Variants in PRRC2C observed in about 807,000 individuals in gnomAD.
PRRC2C encodes the protein proline rich coiled-coil 2C.
PRRC2C carries 72 observed loss-of-function variants against 317.2 expected under a neutral mutation model. That is an observed-to-expected ratio of 0.23 (90% CI 0.19 to 0.28). PRRC2C has a LOEUF of 0.28. PRRC2C is among the 10% of genes least tolerant of loss of function. The pLI is 1.00. For synonymous variants in PRRC2C, 1,296 were observed against 1,205.9 expected (o/e 1.07, Z -1.55); for missense variants, 3,074 against 3,459.7 (o/e 0.89, Z 2.80).
rs2102426842 is a variant in PRRC2C at position 171,532,760 on chromosome 1, GAGAA to G, written c.1683_1686del (p.Arg561SerfsTer8). 6 of 1,533,050 alleles carry G rather than the reference GAGAA, an allele frequency of 3.9e-6. No homozygotes were observed. The highest frequency in any genetic ancestry group is 1.3e-5 in the South Asian group (1 of 78,708). The allele number at this position is 1,533,050 out of a possible 1,614,324, so 95.0% of individuals were successfully genotyped here. The stretch of plus-strand genomic sequence containing the variant: ...GGAGCAGGAAAAACAAAGAGAAATG[GAGAA>G]AGAAAGAAAGCAAGAAAAAGAAAAA... On this transcript the variant is annotated frameshift_variant, in exon 12 of 35. Transcript: ENST00000647382. LOFTEE classifies it high-confidence loss of function.
In PRRC2C at chr1:171,497,661, G is replaced by A. The variant is rs1021967157; in HGVS notation, c.-58+11926G>A. Reference sequence around the variant, plus strand: ...AAATTTTATTTTTTGTAGAGATGAGGTCTCACCATGTTACCCAGATTGGTC... The same window carrying A: ...AAATTTTATTTTTTGTAGAGATGAGATCTCACCATGTTACCCAGATTGGTC... On this transcript the variant is annotated intron_variant, in intron 1 of 34. Transcript: ENST00000647382. Among the ~76,000 whole-genome samples the A allele has an allele frequency of 7.6e-4, 116 of 152,080 alleles. 2 individuals carry two copies. Among genetic ancestry groups the A allele is most frequent in the African/African-American group, 2.5e-3 (103 of 41,382 alleles).
rs761936585 is a variant in PRRC2C, at chr1:171,532,348, A to G, written c.1260A>G (p.Pro420=). Residue 420 remains proline, a synonymous_variant, in exon 12 of 35, where the codon CCA becomes CCG. Coordinates refer to ENST00000647382, the MANE Select transcript of PRRC2C (RefSeq NM_001387844.1). ...CTGATACCTTAATGTTTCAGCATCCACCTCCAGATCGACAGGCAGTACCTG... is the reference window on the plus strand; with the variant it reads ...CTGATACCTTAATGTTTCAGCATCCGCCTCCAGATCGACAGGCAGTACCTG... The part of the protein sequence containing the change: ...PPPKLLAQQH[P]PPDRQAVPGR... The G allele has an allele frequency of 3.1e-6, 5 of 1,609,314 alleles. No individual in the cohort carries two copies. In the African/African-American group the frequency reaches 5.4e-5, roughly 17 times the overall value.
Position 171,545,528 on chromosome 1 carries a change from G to C in PRRC2C, c.4813G>C (p.Gly1605Arg). The stretch of plus-strand genomic sequence containing the variant: ...CACAACTGGGGTTGACCTCATCAAT[G>C]GCAGCTCTGCACACCATCAGGAAGG... ...AGTTGVDLIN[G>R]SSAHHQEGVP... Residue 1605 changes from glycine to arginine, a missense_variant, in exon 17 of 35, where the codon GGC (glycine) becomes CGC (arginine). Transcript: ENST00000647382. 6.3e-7 allele frequency: 1 copy of C among 1,591,200 alleles called. No homozygotes were observed. Among genetic ancestry groups the C allele is most frequent in the Non-Finnish European group, 8.6e-7 (1 of 1,168,436 alleles).
intron 1 of PRRC2C, among the ~76,000 whole-genome samples, chr1:171,496,772 G>GGTGTGT (rs1381467402): frequency 1.1e-5 from 1 of 90,640 alleles, no homozygotes; most frequent in Non-Finnish European, 2.2e-5. Flanking sequence ...ATACATTTGG[G>GGTGTGT]GCGTGTGTGT....
intron 34 of PRRC2C, among the ~76,000 whole-genome samples, chr1:171,590,571 TTTGA>T (rs1417933310): frequency 6.6e-6 from 1 of 152,158 alleles, no homozygotes; most frequent in Non-Finnish European, 1.5e-5. Context: ...TATTAGAAAA[TTTGA>T]TTGATTGATT....
At chr1:171,583,531 G>A (rs578249309) in intron 28 of PRRC2C, among the ~76,000 whole-genome samples, 2 of 152,120 alleles carry the variant, frequency 1.3e-5, no homozygotes, top group Non-Finnish European at 2.9e-5. Flanking sequence ...ACCTGAAGCT[G>A]TTTTATAAGT....
intron 6 of PRRC2C, among the ~76,000 whole-genome samples, chr1:171,518,336 A>G (rs1396765660): frequency 1.3e-5 from 2 of 152,102 alleles, no homozygotes; most frequent in African/African-American, 2.4e-5. Flanking sequence ...ATGCATTTAA[A>G]ATGTTTTCCT....
At chr1:171,504,131 A>G (rs942055072) in intron 1 of PRRC2C, among the ~76,000 whole-genome samples, 6 of 152,162 alleles carry the variant, frequency 3.9e-5, no homozygotes, top group African/African-American at 1.2e-4. Context: ...TGTCTCTTCA[A>G]ATCTCCTGCC....
rs867099365 is a variant in PRRC2C at position 171,540,650 on chromosome 1, C to G, written c.3184C>G (p.Pro1062Ala). 2 of 1,613,812 alleles carry G rather than the reference C, an allele frequency of 1.2e-6. No individual in the cohort carries two copies. Among genetic ancestry groups the G allele is most frequent in the Admixed American group, 1.7e-5 (1 of 59,994 alleles). The change falls in exon 16 of 35, where the codon CCT becomes GCT. Residue 1062 changes from proline to alanine, a missense_variant. By Grantham distance (27) the Pro-to-Ala change is conservative. This residue lies in a region of PRRC2C where 1,320 missense variants were observed against 1,395.7 expected (regional missense o/e 0.95). Transcript: ENST00000647382. ...AAAGACGGAAAAGAAGGATCTTCCT[C>G]CTCCCCCACCACCACCTCAGCCACC... The part of the protein sequence containing the change: ...PEKTEKKDLP[P>A]PPPPPQPPAP...
At chr1:171,583,930 A>G (rs1410517943) in intron 28 of PRRC2C, 26 bp from the exon 29 acceptor site, 4 of 1,568,276 alleles carry the variant, frequency 2.6e-6, no homozygotes, top group Admixed American at 1.7e-5. Flanking sequence ...ACTTCTAACA[A>G]TATTTTCTCT....
chr1:171,531,754 A>G (rs923559296), intron 11 of PRRC2C, among the ~76,000 whole-genome samples: 6 of 152,138 alleles, frequency 3.9e-5, no homozygotes, highest in South Asian at 4.1e-4. Flanking sequence ...CGGGTTCTAG[A>G]TACGCTTTTC....
intron 20 of PRRC2C, 143 bp downstream of exon 20, chr1:171,561,246 A>G (rs896702835): frequency 2.2e-5 from 17 of 786,464 alleles, no homozygotes; most frequent in African/African-American, 5.1e-5. Context: ...CCTGGGCAAC[A>G]TAGTGAGACC....
rs1651753928 is a variant in PRRC2C at position 171,593,235 on chromosome 1, G to A, written c.*1388G>A. On this transcript the variant is annotated 3_prime_UTR_variant, in exon 35 of 35. Coordinates refer to ENST00000647382, the MANE Select transcript of PRRC2C (RefSeq NM_001387844.1). ...TGCTGCTATTGATGCATAACATACT[G>A]CTATTGGTCTTTTTATATAAATATA... 7 of 147,750 alleles carry A rather than the reference G, an allele frequency of 4.7e-5. No individual in the cohort carries two copies. The South Asian group carries it at 1.5e-3, about 31-fold the overall frequency. 9.2% of individuals were successfully genotyped at this position (147,750 alleles called of 1,614,324 possible). A position where few individuals can be genotyped will look rare whatever the true frequency, so the allele number is the denominator to read the frequency against.
chr1:171,504,961 C>A (rs1360000516), intron 1 of PRRC2C, among the ~76,000 whole-genome samples: 1 of 151,592 alleles, frequency 6.6e-6, no homozygotes, highest in African/African-American at 2.4e-5. Context: ...TTTTAAATAA[C>A]GTTTTGTAGT....
intron 5 of PRRC2C, among the ~76,000 whole-genome samples, chr1:171,516,494 A>G (rs796799779): frequency 5.3e-5 from 8 of 152,322 alleles, no homozygotes; most frequent in African/African-American, 1.9e-4. Context: ...GTCAGATGTA[A>G]ATAAATCTAA....
intron 30 of PRRC2C, 34 bp from the exon 31 acceptor site, chr1:171,586,968 CA>C: frequency 6.8e-7 from 1 of 1,467,798 alleles, no homozygotes. Context: ...TAAACAGAAA[CA>C]AATTGCTTCA....
chr1:171,515,380 G>A, intron 4 of PRRC2C, among the ~76,000 whole-genome samples: 1 of 152,142 alleles, frequency 6.6e-6, no homozygotes, highest in Non-Finnish European at 1.5e-5. Context: ...CACTATTTCA[G>A]TAATATGATT....
intron 30 of PRRC2C, among the ~76,000 whole-genome samples, chr1:171,585,240 A>C (rs1413694110): frequency 3.9e-5 from 6 of 152,242 alleles, no homozygotes; most frequent in African/African-American, 1.4e-4. Flanking sequence ...TTTACCCATT[A>C]GTGCTAGGGA....
intron 13 of PRRC2C, 82 bp from the exon 14 acceptor site, chr1:171,535,947 G>A: frequency 6.7e-7 from 1 of 1,481,814 alleles, no homozygotes; most frequent in Non-Finnish European, 9.2e-7. Flanking sequence ...TTCAAAACAG[G>A]CCATTATTTT....
Sources: gnomAD v4.1 joint callset for allele counts (sites outside exome capture counted in the v4.1 genomes callset) on GRCh38, gnomAD v4.1.1 for gene constraint, gnomAD v4.1.1 regional missense constraint, MANE v1.5 for transcripts, NCBI Gene and HGNC (gene_info 2026-07-23, HGNC 2026-07-21) for gene names.